Variants in GRM8 observed in about 807,000 individuals in gnomAD.
The protein encoded by GRM8 is glutamate metabotropic receptor 8, also known as metabotropic glutamate receptor 8.
In GRM8, 47 loss-of-function variants were observed where a neutral mutation model predicts 87.2. The observed-to-expected ratio is 0.54, with a 90% CI of 0.43 to 0.69. The LOEUF is 0.69. Ranked by LOEUF, GRM8 falls within the 30% of genes least tolerant of loss-of-function variation. The pLI is 0.00. For missense variants in GRM8, 1,019 were observed against 1,139.2 expected (o/e 0.89, Z 1.52); for synonymous variants, 396 against 404.5 (o/e 0.98, Z 0.25).
intron 7 of GRM8, among the ~76,000 whole-genome samples, chr7:126,632,793 A>T (rs1160331789): frequency 6.6e-6 from 1 of 152,130 alleles, no homozygotes; most frequent in African/African-American, 2.4e-5. Flanking sequence ...CAGAATATCA[A>T]ATACTGCATG....
intron 8 of GRM8, among the ~76,000 whole-genome samples, chr7:126,564,389 A>G (rs1794014817): frequency 6.6e-6 from 1 of 152,230 alleles, no homozygotes; most frequent in South Asian, 2.1e-4. Context: ...GAGTGAAGTC[A>G]AAGATATTTC....
At chr7:126,468,505 C>G (rs1396046133) in intron 9 of GRM8, among the ~76,000 whole-genome samples, 1 of 152,064 alleles carries the variant, frequency 6.6e-6, no homozygotes, top group Non-Finnish European at 1.5e-5. Context: ...TCTTCTCTTA[C>G]CCACATCAAC....
intron 3 of GRM8, among the ~76,000 whole-genome samples, chr7:127,023,101 T>C (rs1426468446): frequency 6.6e-6 from 1 of 152,094 alleles, no homozygotes; most frequent in Non-Finnish European, 1.5e-5. Context: ...CCTGAAAGGA[T>C]ACTTTTATGT....
rs140259071 is a variant in GRM8 at position 126,978,143 on chromosome 7, AAATGT to A, written c.728-73465_728-73461del. 3.1e-3 allele frequency among the ~76,000 whole-genome samples: 478 copies of A among 152,086 alleles called. 3 individuals carry two copies. The highest frequency in any genetic ancestry group is 0.011 in the African/African-American group (454 of 41,498). Reference sequence around the variant, plus strand: ...ATGGAATATTTTTGAGTGAATGAATAAATGTAATGTATTATAGGAGGGGAGAGGAG... The same window carrying A: ...ATGGAATATTTTTGAGTGAATGAATAAATGTATTATAGGAGGGGAGAGGAG... On this transcript the variant is annotated intron_variant, in intron 3 of 10. Transcript: ENST00000339582.
chr7:126,649,429 A>G (rs1803537849), intron 7 of GRM8, among the ~76,000 whole-genome samples: 1 of 152,140 alleles, frequency 6.6e-6, no homozygotes, highest in Non-Finnish European at 1.5e-5. Context: ...TCGGACTCCA[A>G]GTTCTTCAGC....
At chr7:127,154,183 A>G (rs1036494688) in intron 2 of GRM8, among the ~76,000 whole-genome samples, 2 of 152,128 alleles carry the variant, frequency 1.3e-5, no homozygotes, top group Non-Finnish European at 1.5e-5. Flanking sequence ...TCCAGCTTCC[A>G]ACTTTGCAAA....
At chr7:126,795,919 C>T (rs1361868667) in intron 6 of GRM8, among the ~76,000 whole-genome samples, 1 of 150,398 alleles carries the variant, frequency 6.6e-6, no homozygotes, top group Non-Finnish European at 1.5e-5. Flanking sequence ...ACATTTAAAA[C>T]ATCAACATAG....
intron 2 of GRM8, among the ~76,000 whole-genome samples, chr7:127,183,618 TA>T (rs556921764): frequency 2.7e-5 from 4 of 149,828 alleles, no homozygotes; most frequent in Admixed American, 6.6e-5. Context: ...AAACTTTCTC[TA>T]AAAAAAAACT....
intron 9 of GRM8, among the ~76,000 whole-genome samples, chr7:126,481,594 A>G (rs1238472745): frequency 6.6e-6 from 1 of 152,018 alleles, no homozygotes; most frequent in Non-Finnish European, 1.5e-5. Context: ...AGTGAGGGGT[A>G]CTTCATGAAG....
intron 3 of GRM8, among the ~76,000 whole-genome samples, chr7:126,936,969 T>G (rs1331836166): frequency 6.6e-6 from 1 of 152,212 alleles, no homozygotes; most frequent in Non-Finnish European, 1.5e-5. Context: ...TACCTAGAAG[T>G]GGGTATTGCC....
chr7:127,160,325 T>A (rs1793018919), intron 2 of GRM8, among the ~76,000 whole-genome samples: 1 of 152,116 alleles, frequency 6.6e-6, no homozygotes, highest in South Asian at 2.1e-4. Context: ...AACTCACTCA[T>A]GTCATGTCCC....
intron 2 of GRM8, among the ~76,000 whole-genome samples, chr7:127,119,735 T>A (rs1031046718): frequency 6.6e-6 from 1 of 152,178 alleles, no homozygotes; most frequent in Non-Finnish European, 1.5e-5. Context: ...TCGTTTTTCA[T>A]TTCAACAAGT....
chr7:127,234,565 C>T (rs1021501154), intron 2 of GRM8, among the ~76,000 whole-genome samples: 4 of 152,196 alleles, frequency 2.6e-5, no homozygotes, highest in African/African-American at 9.7e-5. Flanking sequence ...CTTTGACTTG[C>T]TAAGTCAGCC....
chr7:127,055,350 A>T (rs2132528042), intron 3 of GRM8, among the ~76,000 whole-genome samples: 1 of 152,276 alleles, frequency 6.6e-6, no homozygotes, highest in African/African-American at 2.4e-5. Context: ...AATACGCTCA[A>T]ATAAAGGAGA....
chr7:126,533,966 G>A (rs573091147), intron 8 of GRM8, 79 bp from the exon 9 acceptor site: 2 of 987,188 alleles, frequency 2.0e-6, no homozygotes, highest in African/African-American at 3.3e-5. Flanking sequence ...GGTTTGTAAT[G>A]AATCACAGAA....
intron 8 of GRM8, among the ~76,000 whole-genome samples, chr7:126,588,266 T>A (rs924322468): frequency 6.6e-6 from 1 of 151,932 alleles, no homozygotes; most frequent in Non-Finnish European, 1.5e-5. Flanking sequence ...TCAGTAAGAG[T>A]TTGGTTCTAG....
chr7:127,178,162 A>G (rs1340403197), intron 2 of GRM8, among the ~76,000 whole-genome samples: 1 of 152,184 alleles, frequency 6.6e-6, no homozygotes, highest in Non-Finnish European at 1.5e-5. Flanking sequence ...AAAAGCAATC[A>G]AAAATTCAGG....
chr7:126,988,078 A>G (rs1271384947), intron 3 of GRM8, among the ~76,000 whole-genome samples: 1 of 152,182 alleles, frequency 6.6e-6, no homozygotes, highest in East Asian at 1.9e-4. Context: ...TTCGTTTAAA[A>G]AAAAAAAATG....
intron 6 of GRM8, among the ~76,000 whole-genome samples, chr7:126,866,387 GT>G (rs1272541605): frequency 6.6e-6 from 1 of 151,066 alleles, no homozygotes; most frequent in Non-Finnish European, 1.5e-5. Context: ...TTTCTTGGTG[GT>G]TTCCTTTGAA....
Sources: gnomAD v4.1 joint callset for allele counts (sites outside exome capture counted in the v4.1 genomes callset) on GRCh38, gnomAD v4.1.1 for gene constraint, MANE v1.5 for transcripts, NCBI Gene and HGNC (gene_info 2026-07-23, HGNC 2026-07-21) for gene names.